The following ICA1 variants were observed in gnomAD, a reference collection of about 807,000 sequenced individuals.
ICA1 encodes 69 kDa islet cell autoantigen.
ICA1 carries 40 observed loss-of-function variants against 71.0 expected under a neutral mutation model. The observed-to-expected ratio is 0.56, with a 90% CI of 0.44 to 0.73. The LOEUF is 0.73. Among genes scored for constraint, ICA1 ranks in the 30% least tolerant of loss-of-function variants. The pLI is 0.00. For synonymous variants in ICA1, 207 were observed against 209.5 expected (o/e 0.99, Z 0.10); for missense variants, 578 against 576.5 (o/e 1.00, Z -0.03).
intron 1 of ICA1, among the ~76,000 whole-genome samples, chr7:8,237,858 T>C (rs1476669958): frequency 2.1e-5 from 3 of 142,156 alleles, no homozygotes; most frequent in Non-Finnish European, 4.6e-5. Flanking sequence ...ACACACCATT[T>C]TCTTTAACCA....
chr7:8,194,039 T>C (rs1016902348), intron 6 of ICA1, among the ~76,000 whole-genome samples: 3 of 152,248 alleles, frequency 2.0e-5, no homozygotes, highest in Non-Finnish European at 4.4e-5. Flanking sequence ...ATTAAAATTA[T>C]ATGGTTATCT....
chr7:8,244,654 A>T (rs1490245899), intron 1 of ICA1, among the ~76,000 whole-genome samples: 2 of 152,192 alleles, frequency 1.3e-5, no homozygotes, highest in African/African-American at 4.8e-5. Context: ...TTTGCAATCT[A>T]CCCATCTGAT....
intron 8 of ICA1, 102 bp downstream of exon 8, chr7:8,157,014 G>A (rs1801847712): frequency 6.2e-7 from 1 of 1,603,850 alleles, no homozygotes; most frequent in African/African-American, 1.3e-5. Context: ...TCAGCATTCT[G>A]AGTCCTGGAA....
At chr7:8,232,990 A>C (rs1211683211) in intron 2 of ICA1, among the ~76,000 whole-genome samples, 1 of 152,224 alleles carries the variant, frequency 6.6e-6, no homozygotes, top group Non-Finnish European at 1.5e-5. Flanking sequence ...CAGGAAATAA[A>C]GAAACTAACC....
intron 1 of ICA1, 30 bp from the exon 2 acceptor site, chr7:8,236,035 A>G: frequency 8.8e-7 from 1 of 1,140,074 alleles, no homozygotes; most frequent in East Asian, 2.4e-5. Context: ...TTTAATAGTT[A>G]CACACCATAT....
At position 8,130,781 on chromosome 7, in the gene ICA1, A is replaced by T. The variant is rs1420669075; in HGVS notation, c.1061-2639T>A. 6.6e-6 allele frequency among the ~76,000 whole-genome samples: 1 copy of T among 152,238 alleles called. No homozygotes were observed. The highest frequency in any genetic ancestry group is 2.1e-4 in the South Asian group (1 of 4,834). Reference sequence around the variant, plus strand: ...TAGCAAGAACAAATAATAAACTGTAAGCCTTCTAAAAATAACCACAGACTG... The same window carrying T: ...TAGCAAGAACAAATAATAAACTGTATGCCTTCTAAAAATAACCACAGACTG... On this transcript the variant is annotated intron_variant, in intron 12 of 13. Transcript: ENST00000402384. This position sits in a 1 kb window ranked among gnomAD's most constrained non-coding sequence, Gnocchi z 4.2.
At chr7:8,148,118 C>T (rs976976642) in intron 8 of ICA1, among the ~76,000 whole-genome samples, 6 of 152,102 alleles carry the variant, frequency 3.9e-5, no homozygotes, top group Non-Finnish European at 1.5e-5. Context: ...ATCCACCACC[C>T]TGAACTGGAA....
At chr7:8,116,462 G>A (rs1562485192) in intron 13 of ICA1, 1 of 152,230 alleles carries the variant, frequency 6.6e-6, no homozygotes, top group Non-Finnish European at 1.5e-5. Context: ...TACATTTGAG[G>A]AGATAGGAGA....
intron 6 of ICA1, among the ~76,000 whole-genome samples, chr7:8,175,600 C>A (rs1780358338): frequency 6.6e-6 from 1 of 152,192 alleles, no homozygotes; most frequent in South Asian, 2.1e-4. Flanking sequence ...ACATGGCATG[C>A]AACCTTCATT....
chr7:8,258,229 G>T (rs1810923453), intron 1 of ICA1, among the ~76,000 whole-genome samples: 2 of 152,172 alleles, frequency 1.3e-5, no homozygotes, highest in African/African-American at 2.4e-5. Context: ...CCAGAGCATG[G>T]TGGGGTCTGA....
intron 4 of ICA1, among the ~76,000 whole-genome samples, chr7:8,227,140 T>C (rs931167323): frequency 1.3e-5 from 2 of 152,130 alleles, no homozygotes; most frequent in African/African-American, 4.8e-5. Context: ...GCTAGGGGGA[T>C]GGTGGGTATA....
chr7:8,141,743 C>T (rs1374701340), intron 10 of ICA1, 22 bp downstream of exon 10: 3 of 1,455,176 alleles, frequency 2.1e-6, no homozygotes, highest in South Asian at 2.4e-5. Flanking sequence ...AGAAGCAATT[C>T]TAAATAAAAA....
Position 8,225,294 on chromosome 7 carries a change from C to T in ICA1, c.256+3307G>A, listed in dbSNP as rs115340040. Among the ~76,000 whole-genome samples, 154 of 152,228 alleles carry T rather than the reference C, an allele frequency of 1.0e-3. 1 individual carries two copies. Among genetic ancestry groups the T allele is most frequent in the African/African-American group, 3.5e-3 (144 of 41,570 alleles). On this transcript the variant is annotated intron_variant, in intron 4 of 13. Transcript: ENST00000402384. ...CCTTCTCCACCATTTATCTCTCTCT[C>T]TTCATATAGATTTAAGGGAAATTAA... is the stretch of plus-strand genomic sequence containing the variant.
Position 8,143,966 on chromosome 7 carries a change from G to C in ICA1, c.811C>G (p.Gln271Glu). The C allele has an allele frequency of 6.4e-7, 1 of 1,554,568 alleles. No homozygotes were observed. Among genetic ancestry groups the C allele is most frequent in the Non-Finnish European group, 8.9e-7 (1 of 1,127,488 alleles). ...TCAACTAATTTTTTCATAGGGTCTT[G>C]TAAGCTCTTGATCACGAGCCATAGA... ...PYEFTTLKSL[Q>E]DPMKKLVEKE... The change falls in exon 9 of 14, where the codon CAA becomes GAA. Residue 271 changes from glutamine to glutamate, a missense_variant. Coordinates refer to ENST00000402384, the MANE Select transcript of ICA1 (RefSeq NM_001136020.3).
chr7:8,187,376 TA>T (rs1784231772), intron 6 of ICA1, among the ~76,000 whole-genome samples: 1 of 152,146 alleles, frequency 6.6e-6, no homozygotes, highest in Admixed American at 6.6e-5. Context: ...AAAGGCACAG[TA>T]AAAATATGGC....
chr7:8,118,649 T>G (rs1449566121), intron 13 of ICA1, among the ~76,000 whole-genome samples: 3 of 152,214 alleles, frequency 2.0e-5, no homozygotes, highest in Admixed American at 2.0e-4. Context: ...GTTAAAGTTG[T>G]GGTTTCTGTG....
At chr7:8,177,625 T>C (rs1225135278) in intron 6 of ICA1, among the ~76,000 whole-genome samples, 1 of 152,222 alleles carries the variant, frequency 6.6e-6, no homozygotes, top group African/African-American at 2.4e-5. Flanking sequence ...AGAATTTGCT[T>C]CTGTCTCTTG....
intron 8 of ICA1, 45 bp downstream of exon 8, chr7:8,157,071 T>C: frequency 6.2e-7 from 1 of 1,614,062 alleles, no homozygotes; most frequent in Non-Finnish European, 8.5e-7. Context: ...TAAACAAAAC[T>C]TTACTTTTCT....
chr7:8,232,882 G>A, intron 2 of ICA1, 127 bp from the exon 3 acceptor site: 1 of 778,526 alleles, frequency 1.3e-6, no homozygotes, highest in East Asian at 3.0e-5. Flanking sequence ...ATAAACGTAT[G>A]AGCACTTTCT....
Sources: gnomAD v4.1 joint callset for allele counts (sites outside exome capture counted in the v4.1 genomes callset) on GRCh38, gnomAD v4.1.1 for gene constraint, Gnocchi (gnomAD v3.1) non-coding constraint, MANE v1.5 for transcripts, NCBI Gene and HGNC (gene_info 2026-07-23, HGNC 2026-07-21) for gene names.